The following DNM3 variants were observed in gnomAD, a reference collection of about 807,000 sequenced individuals.
DNM3 encodes dynamin-3.
Under a neutral mutation model 101.6 loss-of-function variants are expected in DNM3, and 47 were observed. The observed-to-expected ratio is 0.46, with a 90% CI of 0.37 to 0.59. DNM3 has a LOEUF of 0.59. Ranked by LOEUF, DNM3 falls within the 20% of genes least tolerant of loss-of-function variation. DNM3 has a pLI of 0.00. For synonymous variants in DNM3, 385 were observed against 387.9 expected (o/e 0.99, Z 0.09); for missense variants, 849 against 1,085.7 (o/e 0.78, Z 3.06).
intron 20 of DNM3, among the ~76,000 whole-genome samples, chr1:172,417,997 C>T (rs1310807433): frequency 6.6e-6 from 1 of 152,170 alleles, no homozygotes; most frequent in Non-Finnish European, 1.5e-5. Flanking sequence ...TTTATCATTC[C>T]ATGGTGCAAA....
intron 14 of DNM3, among the ~76,000 whole-genome samples, chr1:172,223,311 A>G (rs1314056110): frequency 6.9e-6 from 1 of 145,552 alleles, no homozygotes; most frequent in Non-Finnish European, 1.5e-5. Context: ...ACCTCATCAA[A>G]TTATCTCATT....
At chr1:172,407,003 A>C (rs2070942544) in intron 20 of DNM3, among the ~76,000 whole-genome samples, 1 of 152,008 alleles carries the variant, frequency 6.6e-6, no homozygotes, top group African/African-American at 2.4e-5. Context: ...TAAATGTAGA[A>C]GCTTGAGGAA....
chr1:172,412,710 T>C lies in DNM3; in HGVS notation c.*4869T>C. The stretch of plus-strand genomic sequence containing the variant: ...CTGAAGCTGAAATAAATTATAACAT[T>C]TGAAGGACCCCTTTTCCTCATTCTT... On this transcript the variant is annotated 3_prime_UTR_variant, in exon 21 of 21. Transcript: ENST00000627582. The C allele has an allele frequency of 1.0e-6, 1 of 985,800 alleles. No individual in the cohort carries two copies. Among genetic ancestry groups the C allele is most frequent in the African/African-American group, 1.7e-5 (1 of 57,362 alleles). 61.1% of individuals were successfully genotyped at this position (985,800 alleles called of 1,614,324 possible). A position where few individuals can be genotyped will look rare whatever the true frequency, so the allele number is the denominator to read the frequency against.
chr1:172,337,603 A>T (rs1453299231), intron 17 of DNM3, among the ~76,000 whole-genome samples: 1 of 152,224 alleles, frequency 6.6e-6, no homozygotes, highest in Non-Finnish European at 1.5e-5. Context: ...ATCAAATAAC[A>T]CACTTTTTAA....
chr1:172,364,376 C>CA (rs968714686), intron 17 of DNM3, among the ~76,000 whole-genome samples: 9 of 151,536 alleles, frequency 5.9e-5, no homozygotes, highest in African/African-American at 2.2e-4. Context: ...TTTTCTAACT[C>CA]AAAAAGAGGC....
At chr1:172,058,906 G>T (rs2050895159) in intron 10 of DNM3, among the ~76,000 whole-genome samples, 2 of 152,182 alleles carry the variant, frequency 1.3e-5, no homozygotes, top group South Asian at 4.2e-4. Context: ...GAATCCAGGA[G>T]CTGGTTTTTT....
At chr1:171,881,314 T>A (rs1346357755) in intron 1 of DNM3, among the ~76,000 whole-genome samples, 2 of 152,242 alleles carry the variant, frequency 1.3e-5, no homozygotes, top group Admixed American at 6.5e-5. Context: ...TTATGTTATT[T>A]AGTATACATT....
rs187203165 is a variant in DNM3 at position 171,875,873 on chromosome 1, C to T, written c.161+34056C>T. ...GTCGCCAGGCTGGAGTGCAGTGGTG[C>T]GATCTGGGCTCACTGCAGCCTCCGC... On this transcript the variant is annotated intron_variant, in intron 1 of 20. Transcript: ENST00000627582. Among the ~76,000 whole-genome samples the T allele has an allele frequency of 1.1e-4, 14 of 128,278 alleles. No individual in the cohort carries two copies. In the South Asian group the frequency reaches 1.8e-3, roughly 17 times the overall value. The allele number at this position is 128,278 out of a possible 152,430, so 84.2% of individuals were successfully genotyped here.
chr1:172,271,088 C>T (rs1236261383), intron 15 of DNM3, among the ~76,000 whole-genome samples: 1 of 152,102 alleles, frequency 6.6e-6, no homozygotes, highest in Non-Finnish European at 1.5e-5. Flanking sequence ...CTCCTTTTCA[C>T]TCTTAAAAAT....
chr1:172,221,470 T>C (rs1220991711), intron 14 of DNM3, among the ~76,000 whole-genome samples: 1 of 152,134 alleles, frequency 6.6e-6, no homozygotes, highest in African/African-American at 2.4e-5. Context: ...TGCAAGCAAA[T>C]GCCGTTCACT....
rs147790019 is a variant in DNM3 at position 172,054,097 on chromosome 1, G to A, written c.1335+5347G>A. 3.3e-3 allele frequency among the ~76,000 whole-genome samples: 499 copies of A among 152,194 alleles called. 12 individuals carry two copies. The highest frequency in any genetic ancestry group is 0.028 in the Admixed American group (435 of 15,286). ...TAATTATATATATATTTCTGTTATA[G>A]CATATATACATATATAAACATAAAA... On this transcript the variant is annotated intron_variant, in intron 10 of 20. Transcript: ENST00000627582.
At chr1:172,112,920 C>A (rs966249713) in intron 13 of DNM3, among the ~76,000 whole-genome samples, 2 of 152,188 alleles carry the variant, frequency 1.3e-5, no homozygotes, top group Non-Finnish European at 2.9e-5. Flanking sequence ...TTTATTATTG[C>A]AATTAATAAA....
chr1:172,410,763 C>T lies in DNM3; in HGVS notation c.*2922C>T, dbSNP rs2071159828. The T allele has an allele frequency of 5.1e-6, 5 of 985,200 alleles. No individual in the cohort carries two copies. Among genetic ancestry groups the T allele is most frequent in the Non-Finnish European group, 4.8e-6 (4 of 829,802 alleles). The allele number at this position is 985,200 out of a possible 1,614,324, so 61.0% of individuals were successfully genotyped here. ...TTATTCTAAAGTATATTAATGAAAC[C>T]AGTTCCTGTGATGTAACTGTAAGCC... On this transcript the variant is annotated 3_prime_UTR_variant, in exon 21 of 21. Transcript: ENST00000627582.
chr1:172,251,700 A>G (rs1159645022), intron 14 of DNM3, among the ~76,000 whole-genome samples: 4 of 152,162 alleles, frequency 2.6e-5, no homozygotes, highest in Non-Finnish European at 5.9e-5. Flanking sequence ...CAAGCCAAGG[A>G]CATTGTGTTC....
chr1:171,899,029 G>A (rs1264288034), intron 1 of DNM3, among the ~76,000 whole-genome samples: 2 of 152,196 alleles, frequency 1.3e-5, no homozygotes, highest in Admixed American at 6.5e-5. Context: ...TTGCTCTGGG[G>A]CATTGTTCCT....
intron 10 of DNM3, among the ~76,000 whole-genome samples, chr1:172,049,404 T>A (rs1009963036): frequency 1.3e-5 from 2 of 152,174 alleles, no homozygotes; most frequent in African/African-American, 4.8e-5. Flanking sequence ...TAACCATAAT[T>A]TAAGTGCTCA....
chr1:171,958,810 T>C (rs182596762), intron 2 of DNM3, among the ~76,000 whole-genome samples: 2 of 152,354 alleles, frequency 1.3e-5, no homozygotes, highest in East Asian at 1.9e-4. Context: ...ACCTATCTTA[T>C]ATATCTTTTG....
rs1012979571 is a variant in DNM3, at chr1:172,343,412, G to T, written c.1893+20072G>T. Among the ~76,000 whole-genome samples the T allele has an allele frequency of 3.9e-5, 6 of 151,954 alleles. No homozygotes were observed. The East Asian group carries it at 1.2e-3, about 29-fold the overall frequency. ...TTTAAAAAAAAAAAGTAAAATTCCAGCTGTCCTTTAAAGTATATGATTTAC... is the reference window on the plus strand; with the variant it reads ...TTTAAAAAAAAAAAGTAAAATTCCATCTGTCCTTTAAAGTATATGATTTAC... On this transcript the variant is annotated intron_variant, in intron 17 of 20. Coordinates refer to ENST00000627582, the MANE Select transcript of DNM3 (RefSeq NM_015569.5).
intron 11 of DNM3, among the ~76,000 whole-genome samples, chr1:172,076,607 A>G (rs1391464229): frequency 6.6e-6 from 1 of 152,058 alleles, no homozygotes; most frequent in Non-Finnish European, 1.5e-5. Flanking sequence ...TGTTTATGTG[A>G]TGGATTACAT....
Sources: gnomAD v4.1 joint callset for allele counts (sites outside exome capture counted in the v4.1 genomes callset) on GRCh38, gnomAD v4.1.1 for gene constraint, MANE v1.5 for transcripts, NCBI Gene and HGNC (gene_info 2026-07-23, HGNC 2026-07-21) for gene names.